ZNF33A: variants seen among roughly 807,000 people sequenced by gnomAD.
The protein encoded by ZNF33A is zinc finger protein 33A.
ZNF33A carries 9 observed loss-of-function variants against 15.9 expected under a neutral mutation model. The ratio of observed to expected loss-of-function variants is 0.57; its 90% CI spans 0.34 to 0.99. The LOEUF (loss-of-function observed/expected upper bound fraction) is 0.99. Among genes scored for constraint, ZNF33A ranks in the 50% least tolerant of loss-of-function variants. The pLI, the probability that ZNF33A is intolerant of heterozygous loss-of-function variation, is 0.02. For missense variants in ZNF33A, 843 were observed against 941.6 expected, an observed-to-expected ratio of 0.90 and a Z score of 1.37; for synonymous variants, 294 against 324.2, an observed-to-expected ratio of 0.91 and a Z score of 1.00.
At chr10:38,037,267 G>C (rs1354690584) in intron 4 of ZNF33A, among the ~76,000 whole-genome samples, 2 of 151,706 alleles carry the variant, frequency 1.3e-5, no homozygotes, top group Non-Finnish European at 2.9e-5. Flanking sequence ...GAATAATTTT[G>C]ATTGTTTTGC....
chr10:38,061,798 T>C (rs1330647277), downstream of ZNF33A, among the ~76,000 whole-genome samples: 2 of 152,016 alleles, frequency 1.3e-5, no homozygotes, highest in African/African-American at 4.8e-5. Context: ...CCGTCTCTAC[T>C]AAAACTATAA....
downstream of ZNF33A, among the ~76,000 whole-genome samples, chr10:38,063,465 A>G (rs1205164494): frequency 1.3e-5 from 2 of 152,206 alleles, no homozygotes; most frequent in African/African-American, 4.8e-5. Flanking sequence ...GTGCATGTAA[A>G]TATATACAAA....
At chr10:38,044,008 A>G (rs1183737719) in intron 4 of ZNF33A, 1 of 152,010 alleles carries the variant, frequency 6.6e-6, no homozygotes, top group African/African-American at 2.4e-5. Context: ...TTTTTCTGCT[A>G]CTTGATATTT....
chr10:38,062,484 C>T (rs1197286661), downstream of ZNF33A, among the ~76,000 whole-genome samples: 9 of 152,286 alleles, frequency 5.9e-5, no homozygotes, highest in African/African-American at 2.2e-4. Context: ...CTGCGTAAGA[C>T]ATTTGTCAGA....
intron 4 of ZNF33A, among the ~76,000 whole-genome samples, chr10:38,036,932 T>C (rs1214106860): frequency 6.6e-6 from 1 of 152,238 alleles, no homozygotes; most frequent in Non-Finnish European, 1.5e-5. Context: ...AGTTGTGTTA[T>C]TTGTCCTTTT....
rs547824026 is a variant in ZNF33A at position 38,019,655 on chromosome 10, A to G, written c.250+2269A>G. ...CTTTTGAAACTATCTTCATGAATAA[A>G]GGGGAACTAAAGGCATTATTAGACA... On this transcript the variant is annotated intron_variant, in intron 4 of 4. Coordinates refer to ENST00000432900, the MANE Select transcript of ZNF33A (RefSeq NM_006954.2). Among the ~76,000 whole-genome samples the G allele has an allele frequency of 5.9e-5, 9 of 152,330 alleles. 1 individual carries two copies. The South Asian group carries it at 1.9e-3, about 32-fold the overall frequency.
intron 4 of ZNF33A, among the ~76,000 whole-genome samples, chr10:38,054,123 C>T (rs1177779553): frequency 6.6e-6 from 1 of 152,140 alleles, no homozygotes; most frequent in Non-Finnish European, 1.5e-5. Flanking sequence ...CACTAGAAAC[C>T]AAATGTGTGC....
intron 2 of ZNF33A, 63 bp downstream of exon 2, chr10:38,012,413 G>C: frequency 1.1e-5 from 12 of 1,065,092 alleles, no homozygotes; most frequent in Non-Finnish European, 1.7e-5. Context: ...TGTAAGAGTC[G>C]ATATGGTGTT....
intron 4 of ZNF33A, chr10:38,043,872 T>G (rs997000244): frequency 2.0e-5 from 3 of 151,792 alleles, no homozygotes; most frequent in African/African-American, 7.3e-5. Flanking sequence ...TTTTTTTTTT[T>G]TGTTTAATGC....
Position 38,055,066 on chromosome 10 carries a change from G to A in ZNF33A, c.942G>A (p.Leu314=), listed in dbSNP as rs1426686021. ...GESGNNFRRK[L]CLSHLQKGDK... is the part of the protein sequence containing the mutation. ...GTGGGAATAATTTCAGGAGGAAATT[G>A]TGTCTGTCACACCTTCAGAAAGGTG... Residue 314 remains leucine (L), a synonymous_variant, in exon 5 of 5, where the codon TTG becomes TTA. Transcript: ENST00000432900. 6.2e-7 allele frequency: 1 copy of A among 1,614,158 alleles called. No individual in the cohort carries two copies. Among genetic ancestry groups the A allele is most frequent in the Non-Finnish European group, 8.5e-7 (1 of 1,179,998 alleles).
downstream of ZNF33A, chr10:38,064,277 C>A: frequency 1.6e-6 from 1 of 644,660 alleles, no homozygotes; most frequent in Non-Finnish European, 2.6e-6. Flanking sequence ...AGCATTCTTG[C>A]AACAAATCTG....
At chr10:38,061,316 C>G (rs1190619081), downstream of ZNF33A, among the ~76,000 whole-genome samples, 1 of 152,168 alleles carries the variant, frequency 6.6e-6, no homozygotes, top group East Asian at 1.9e-4. Context: ...ACCACACATG[C>G]TTTCCTGACC....
At chr10:38,042,310 C>T (rs1321163651) in intron 4 of ZNF33A, among the ~76,000 whole-genome samples, 5 of 151,686 alleles carry the variant, frequency 3.3e-5, no homozygotes, top group African/African-American at 9.7e-5. Context: ...CTCAGCCTCC[C>T]GAGTAGCTGG....
At chr10:38,010,496 C>A, upstream of ZNF33A, 1 of 617,426 alleles carries the variant, frequency 1.6e-6, no homozygotes. Flanking sequence ...GCCAGGGCTG[C>A]AGGCAGTTCC....
intron 4 of ZNF33A, among the ~76,000 whole-genome samples, chr10:38,034,871 C>T (rs1433311785): frequency 2.0e-5 from 3 of 152,022 alleles, no homozygotes; most frequent in Non-Finnish European, 4.4e-5. Flanking sequence ...AGCAGTAGGG[C>T]GTGGCCATCT....
In ZNF33A at chr10:38,057,290, C is replaced by T. The variant is rs1259697842; in HGVS notation, c.*730C>T. The T allele has an allele frequency of 1.0e-6, 1 of 985,064 alleles. No individual in the cohort carries two copies. The highest frequency in any genetic ancestry group is 1.7e-5 in the African/African-American group (1 of 57,208). The allele number at this position is 985,064 out of a possible 1,614,324, so 61.0% of individuals were successfully genotyped here. A position where few individuals can be genotyped will look rare whatever the true frequency, so the allele number is the denominator to read the frequency against. On this transcript the variant is annotated 3_prime_UTR_variant, in exon 5 of 5. Coordinates refer to ENST00000432900, the MANE Select transcript of ZNF33A (RefSeq NM_006954.2). Reference sequence around the variant, plus strand: ...GTAGTTCCCTTTTTGTATTAATAACCACACGCTTTCTGCAACCCTATCCCT... The same window carrying T: ...GTAGTTCCCTTTTTGTATTAATAACTACACGCTTTCTGCAACCCTATCCCT...
At chr10:38,040,546 A>G (rs1421097760) in intron 4 of ZNF33A, among the ~76,000 whole-genome samples, 1 of 152,140 alleles carries the variant, frequency 6.6e-6, no homozygotes, top group Non-Finnish European at 1.5e-5. Context: ...TGTTATATTA[A>G]TAAAATTCCC....
chr10:38,065,269 AC>A (rs1458339216), downstream of ZNF33A, among the ~76,000 whole-genome samples: 6 of 151,872 alleles, frequency 4.0e-5, no homozygotes, highest in Admixed American at 3.9e-4. Context: ...ACGGGGTTTC[AC>A]CATGTTGGCC....
In ZNF33A at chr10:38,057,101, T is replaced by A; in HGVS notation, c.*541T>A. The A allele has an allele frequency of 1.4e-6, 1 of 690,766 alleles. No homozygotes were observed. The highest frequency in any genetic ancestry group is 1.9e-5 in the African/African-American group (1 of 51,832). The allele number at this position is 690,766 out of a possible 1,614,324, so 42.8% of individuals were successfully genotyped here. On this transcript the variant is annotated 3_prime_UTR_variant, in exon 5 of 5. Transcript: ENST00000432900. ...AGACTTAGTCAGATTTTACTATGGT[T>A]TGCATGCACTCTGTGTGTGTGTGTA...
Sources: allele counts gnomAD v4.1 joint callset (sites outside exome capture counted in the v4.1 genomes callset), GRCh38; gene constraint gnomAD v4.1.1; transcripts MANE v1.5; gene names NCBI Gene and HGNC (gene_info 2026-07-23, HGNC 2026-07-21).